The following ZBTB16 variants were observed in gnomAD, a reference collection of about 807,000 sequenced individuals.
ZBTB16 encodes zinc finger and BTB domain-containing protein 16.
A neutral mutation model predicts 56.8 loss-of-function variants in ZBTB16; 8 were observed. The observed-to-expected ratio is 0.14, with a 90% CI of 0.08 to 0.25. ZBTB16 has a LOEUF of 0.25. Ranked by LOEUF, ZBTB16 falls within the 10% of genes least tolerant of loss-of-function variation. ZBTB16 has a pLI of 1.00. For synonymous variants in ZBTB16, 363 were observed against 368.5 expected, an observed-to-expected ratio of 0.98 and a Z score of 0.17; for missense variants, 625 against 903.0, an observed-to-expected ratio of 0.69 and a Z score of 3.95.
intron 4 of ZBTB16, among the ~76,000 whole-genome samples, chr11:114,240,298 G>A (rs1014254788): frequency 1.3e-5 from 2 of 152,184 alleles, no homozygotes; most frequent in African/African-American, 4.8e-5. Context: ...GACGGAGGTG[G>A]TGAGGACCAG....
At chr11:114,092,009 A>G (rs1287174016) in intron 2 of ZBTB16, among the ~76,000 whole-genome samples, 1 of 152,090 alleles carries the variant, frequency 6.6e-6, no homozygotes, top group East Asian at 1.9e-4. Flanking sequence ...CTCGGTGCCC[A>G]GTGGGCGTGG....
chr11:114,161,957 C>T (rs1477686887), intron 3 of ZBTB16, among the ~76,000 whole-genome samples: 1 of 152,220 alleles, frequency 6.6e-6, no homozygotes, highest in Non-Finnish European at 1.5e-5. Context: ...TGGCCCCATT[C>T]TGCCAGGTGG....
rs1941289068 is a variant in ZBTB16, at chr11:114,119,719, T to C, written c.1269-36618T>C. Among the ~76,000 whole-genome samples the C allele has an allele frequency of 2.0e-5, 3 of 152,148 alleles. No individual in the cohort carries two copies. In the South Asian group the frequency reaches 6.2e-4, roughly 32 times the overall value. On this transcript the variant is annotated intron_variant, in intron 2 of 6. Coordinates refer to ENST00000335953, the MANE Select transcript of ZBTB16 (RefSeq NM_006006.6). Reference sequence around the variant, plus strand: ...TGAGCACCTGTATCGTGTCAGTCTCTGAGTTAGGTTCTTTAAAAGACAGAG... The same window carrying C: ...TGAGCACCTGTATCGTGTCAGTCTCCGAGTTAGGTTCTTTAAAAGACAGAG...
intron 3 of ZBTB16, among the ~76,000 whole-genome samples, chr11:114,176,987 C>T (rs1016413499): frequency 6.6e-6 from 1 of 152,138 alleles, no homozygotes; most frequent in Non-Finnish European, 1.5e-5. Flanking sequence ...TTACTTATTG[C>T]GATTGGGCTT....
At chr11:114,211,897 C>G (rs1944005060) in intron 4 of ZBTB16, among the ~76,000 whole-genome samples, 1 of 152,158 alleles carries the variant, frequency 6.6e-6, no homozygotes, top group African/African-American at 2.4e-5. Context: ...TGAGGGGGGC[C>G]TCTTTTAAGA....
chr11:114,194,111 A>C (rs912353596), intron 4 of ZBTB16, among the ~76,000 whole-genome samples: 1 of 152,144 alleles, frequency 6.6e-6, no homozygotes, highest in Non-Finnish European at 1.5e-5. Flanking sequence ...GCTCCATTGC[A>C]CTAAGAAGCC....
At chr11:114,232,606 T>C (rs1591801714) in intron 4 of ZBTB16, among the ~76,000 whole-genome samples, 1 of 102,198 alleles carries the variant, frequency 9.8e-6, no homozygotes. Context: ...TTGGGCTGGG[T>C]TGGGTTGGGC....
chr11:114,242,621 A>G (rs1276673206), intron 5 of ZBTB16, among the ~76,000 whole-genome samples: 2 of 152,208 alleles, frequency 1.3e-5, no homozygotes, highest in African/African-American at 4.8e-5. Flanking sequence ...CCATGGGTCC[A>G]GGGTGGGGTC....
rs1384136776 is a variant in ZBTB16, at chr11:114,059,778, C to G, written c.-195C>G. On this transcript the variant is annotated 5_prime_UTR_variant, in exon 1 of 7. Transcript: ENST00000335953. This position sits in a 1 kb window ranked among gnomAD's most constrained non-coding sequence, Gnocchi z 5.3. ...TGCCGGGCGATGCTGTCGCTGCCGCCGTGATACGGAGAGCAACAGTTCCCC... is the reference window on the plus strand; with the variant it reads ...TGCCGGGCGATGCTGTCGCTGCCGCGGTGATACGGAGAGCAACAGTTCCCC... 2 of 398,262 alleles carry G rather than the reference C, an allele frequency of 5.0e-6. No individual in the cohort carries two copies. Among genetic ancestry groups the G allele is most frequent in the African/African-American group, 4.1e-5 (2 of 48,588 alleles). 24.7% of individuals were successfully genotyped at this position (398,262 alleles called of 1,614,324 possible). A position where few individuals can be genotyped will look rare whatever the true frequency, so the allele number is the denominator to read the frequency against.
At chr11:114,145,962 A>G (rs1942087461) in intron 2 of ZBTB16, among the ~76,000 whole-genome samples, 1 of 152,232 alleles carries the variant, frequency 6.6e-6, no homozygotes, top group South Asian at 2.1e-4. Context: ...ATAACTGAAA[A>G]TTGTGTTAAA....
At chr11:114,128,341 C>T (rs187082851) in intron 2 of ZBTB16, among the ~76,000 whole-genome samples, 56 of 152,292 alleles carry the variant, frequency 3.7e-4, no homozygotes, top group African/African-American at 1.2e-3. Context: ...CTCCCGGATA[C>T]GACAGCCACC....
chr11:114,221,590 C>G (rs1591793947), intron 4 of ZBTB16, among the ~76,000 whole-genome samples: 1 of 152,312 alleles, frequency 6.6e-6, no homozygotes, highest in South Asian at 2.1e-4. Context: ...GCCATCCTGA[C>G]TTTCCACTCA....
At chr11:114,229,096 TC>T (rs1449863515) in intron 4 of ZBTB16, among the ~76,000 whole-genome samples, 1 of 152,172 alleles carries the variant, frequency 6.6e-6, no homozygotes, top group African/African-American at 2.4e-5. Flanking sequence ...CAAAGTCAGA[TC>T]CCTTTTTGGT....
chr11:114,076,972 G>A (rs140050927), intron 2 of ZBTB16, among the ~76,000 whole-genome samples: 217 of 152,126 alleles, frequency 1.4e-3, no homozygotes, highest in Middle Eastern at 0.01. Context: ...TTCAACGGCT[G>A]GGGGGGAGAA....
chr11:114,148,377 CT>C (rs1414437296), intron 2 of ZBTB16, among the ~76,000 whole-genome samples: 13 of 140,778 alleles, frequency 9.2e-5, no homozygotes, highest in African/African-American at 3.3e-4. Context: ...TCCTTCCTTC[CT>C]TCCTTCCTTC....
intron 2 of ZBTB16, among the ~76,000 whole-genome samples, chr11:114,134,981 A>G (rs1591702123): frequency 6.6e-6 from 1 of 152,370 alleles, no homozygotes; most frequent in East Asian, 1.9e-4. Context: ...TCACTGAGTC[A>G]TTCAGACTCC....
At chr11:114,081,861 A>C (rs529702661) in intron 2 of ZBTB16, among the ~76,000 whole-genome samples, 2 of 152,284 alleles carry the variant, frequency 1.3e-5, no homozygotes, top group East Asian at 3.9e-4. Flanking sequence ...CTGTGGTGCT[A>C]TAAATGCGTG....
chr11:114,176,995 C>T (rs1051997414), intron 3 of ZBTB16, among the ~76,000 whole-genome samples: 1 of 152,172 alleles, frequency 6.6e-6, no homozygotes, highest in Non-Finnish European at 1.5e-5. Flanking sequence ...TGCGATTGGG[C>T]TTCTCCCAGA....
At chr11:114,092,540 C>T (rs937552684) in intron 2 of ZBTB16, among the ~76,000 whole-genome samples, 2 of 152,166 alleles carry the variant, frequency 1.3e-5, no homozygotes, top group Non-Finnish European at 2.9e-5. Context: ...TCCTCTGCTC[C>T]CCCTCCTTTT....
Sources: allele counts gnomAD v4.1 joint callset (sites outside exome capture counted in the v4.1 genomes callset), GRCh38; gene constraint gnomAD v4.1.1; non-coding constraint Gnocchi (gnomAD v3.1); transcripts MANE v1.5; gene names NCBI Gene and HGNC (gene_info 2026-07-23, HGNC 2026-07-21).